Variants in LYPD6 observed in about 807,000 individuals in gnomAD.
LYPD6 encodes the protein ly6/PLAUR domain-containing protein 6.
A neutral mutation model predicts 22.7 loss-of-function variants in LYPD6; 15 were observed. The observed-to-expected ratio is 0.66, with a 90% CI of 0.44 to 1.02. The LOEUF is 1.02. LYPD6 is among the 50% of genes least tolerant of loss of function. LYPD6 has a pLI of 0.00. For synonymous variants in LYPD6, 72 were observed against 77.5 expected, an observed-to-expected ratio of 0.93 and a Z score of 0.37; for missense variants, 189 against 208.4, an observed-to-expected ratio of 0.91 and a Z score of 0.57.
chr2:149,359,190 C>T (rs995844226), intron 1 of LYPD6, among the ~76,000 whole-genome samples: 4 of 151,280 alleles, frequency 2.6e-5, no homozygotes, highest in African/African-American at 4.9e-5. Context: ...TCTTTGATTT[C>T]CATGACTGCA....
intron 3 of LYPD6, among the ~76,000 whole-genome samples, chr2:149,460,070 A>G (rs1015072732): frequency 2.6e-5 from 4 of 152,204 alleles, no homozygotes; most frequent in African/African-American, 9.6e-5. Context: ...GATATACTCA[A>G]AAGCACTGTA....
intron 2 of LYPD6, among the ~76,000 whole-genome samples, chr2:149,446,658 C>T (rs1469260450): frequency 5.9e-5 from 9 of 152,216 alleles, no homozygotes; most frequent in Middle Eastern, 3.4e-3. Flanking sequence ...ATGATCTATG[C>T]ACTTTTTCTA....
chr2:149,388,657 G>A (rs1044815063), intron 1 of LYPD6, among the ~76,000 whole-genome samples: 6 of 152,048 alleles, frequency 3.9e-5, no homozygotes, highest in African/African-American at 1.4e-4. Context: ...GTGGTGGGAG[G>A]GAGAGTCGTA....
At chr2:149,441,366 T>G (rs975612730) in intron 2 of LYPD6, among the ~76,000 whole-genome samples, 2 of 152,156 alleles carry the variant, frequency 1.3e-5, no homozygotes, top group Non-Finnish European at 2.9e-5. Context: ...GCTGGAGATA[T>G]GAGAAGACAC....
chr2:149,449,744 A>C (rs1176941873), intron 3 of LYPD6, among the ~76,000 whole-genome samples: 1 of 152,212 alleles, frequency 6.6e-6, no homozygotes, highest in Non-Finnish European at 1.5e-5. Flanking sequence ...AAAGAAATAG[A>C]TGGTTATATT....
chr2:149,405,090 G>A (rs942266118), intron 1 of LYPD6, among the ~76,000 whole-genome samples: 2 of 152,106 alleles, frequency 1.3e-5, no homozygotes, highest in African/African-American at 4.8e-5. Context: ...AAGCCCACTT[G>A]ATCATGGTGG....
At chr2:149,452,667 A>C (rs1680860341) in intron 3 of LYPD6, among the ~76,000 whole-genome samples, 1 of 152,246 alleles carries the variant, frequency 6.6e-6, no homozygotes, top group East Asian at 1.9e-4. Flanking sequence ...AACGCAGAAT[A>C]AGTGCACACC....
intron 1 of LYPD6, among the ~76,000 whole-genome samples, chr2:149,356,051 C>T (rs1317977646): frequency 6.6e-6 from 1 of 150,550 alleles, no homozygotes; most frequent in Admixed American, 6.6e-5. Flanking sequence ...AGGGCAATAG[C>T]AGGGACTTGA....
At chr2:149,468,915 T>C in intron 4 of LYPD6, 140 bp downstream of exon 4, 2 of 824,422 alleles carry the variant, frequency 2.4e-6, no homozygotes, top group Non-Finnish European at 3.8e-6. Context: ...AAAAGACGCT[T>C]CCTTTCCTGT....
At chr2:149,454,196 A>C (rs975247115) in intron 3 of LYPD6, among the ~76,000 whole-genome samples, 1 of 152,200 alleles carries the variant, frequency 6.6e-6, no homozygotes, top group African/African-American at 2.4e-5. Flanking sequence ...CCGCAAAGTG[A>C]AGAGATCATA....
intron 1 of LYPD6, among the ~76,000 whole-genome samples, chr2:149,366,272 T>C (rs1225559045): frequency 1.3e-5 from 2 of 152,196 alleles, no homozygotes; most frequent in Non-Finnish European, 2.9e-5. Context: ...TAGTCTCTGA[T>C]TTGTGGCAGT....
chr2:149,455,813 A>G (rs1032486665), intron 3 of LYPD6, among the ~76,000 whole-genome samples: 1 of 152,194 alleles, frequency 6.6e-6, no homozygotes, highest in African/African-American at 2.4e-5. Context: ...GGCCTTGGTA[A>G]TAAGTACATT....
At chr2:149,441,287 G>A (rs1683563337) in intron 2 of LYPD6, among the ~76,000 whole-genome samples, 1 of 152,194 alleles carries the variant, frequency 6.6e-6, no homozygotes, top group South Asian at 2.1e-4. Flanking sequence ...TTGTGAATGA[G>A]CCACATTTCA....
intron 1 of LYPD6, among the ~76,000 whole-genome samples, chr2:149,413,200 T>G (rs1307739200): frequency 6.6e-6 from 1 of 152,142 alleles, no homozygotes; most frequent in Non-Finnish European, 1.5e-5. Flanking sequence ...CCAGACACCC[T>G]CTGTTACTCA....
At chr2:149,447,317 A>G (rs567888827) in intron 2 of LYPD6, among the ~76,000 whole-genome samples, 55 of 152,294 alleles carry the variant, frequency 3.6e-4, no homozygotes, top group African/African-American at 1.3e-3. Context: ...TCACCTGAGC[A>G]TATAGGTGAA....
chr2:149,428,544 G>T (rs375951142), intron 1 of LYPD6, among the ~76,000 whole-genome samples: 5 of 152,168 alleles, frequency 3.3e-5, no homozygotes, highest in African/African-American at 1.2e-4. Flanking sequence ...TCCTGTACCA[G>T]AGAAGACTGG....
At chr2:149,369,889 A>C (rs1681767385) in intron 1 of LYPD6, among the ~76,000 whole-genome samples, 1 of 151,934 alleles carries the variant, frequency 6.6e-6, no homozygotes, top group Non-Finnish European at 1.5e-5. Flanking sequence ...AAGAGGAGGA[A>C]CAGGCATTAA....
At chr2:149,338,699 A>T (rs1377503361) in intron 1 of LYPD6, among the ~76,000 whole-genome samples, 1 of 152,122 alleles carries the variant, frequency 6.6e-6, no homozygotes, top group East Asian at 1.9e-4. Context: ...GTTATTTATA[A>T]ATTACCCCGG....
chr2:149,393,482 G>T (rs138144452), intron 1 of LYPD6, among the ~76,000 whole-genome samples: 2 of 152,298 alleles, frequency 1.3e-5, no homozygotes, highest in Non-Finnish European at 2.9e-5. Context: ...TAGCCTCATA[G>T]TTGTTCTTTC....
Sources: allele counts gnomAD v4.1 joint callset (sites outside exome capture counted in the v4.1 genomes callset), GRCh38; gene constraint gnomAD v4.1.1; transcripts MANE v1.5; gene names NCBI Gene and HGNC (gene_info 2026-07-23, HGNC 2026-07-21).